ASTN2: variants seen among roughly 807,000 people sequenced by gnomAD.
ASTN2 encodes the protein astrotactin-2.
In ASTN2, 54 loss-of-function variants were observed where a neutral mutation model predicts 139.8. The observed-to-expected ratio is 0.39, with a 90% confidence interval of 0.31 to 0.48. The LOEUF (loss-of-function observed/expected upper bound fraction) is 0.48, where lower values mean the gene tolerates loss of function less well. Among genes scored for constraint, ASTN2 ranks in the 20% least tolerant of loss-of-function variants. ASTN2 has a pLI of 0.95. For synonymous variants in ASTN2, 756 were observed against 719.5 expected (o/e 1.05, Z -0.81); for missense variants, 1,565 against 1,725.1 (o/e 0.91, Z 1.64).
At chr9:117,211,196 G>T (rs1457846650) in intron 3 of ASTN2, among the ~76,000 whole-genome samples, 1 of 152,022 alleles carries the variant, frequency 6.6e-6, no homozygotes, top group Non-Finnish European at 1.5e-5. Context: ...GCAACAGAAA[G>T]AAATGACAAA....
chr9:116,663,068 C>T (rs927694445), intron 16 of ASTN2, among the ~76,000 whole-genome samples: 3 of 152,176 alleles, frequency 2.0e-5, no homozygotes, highest in Non-Finnish European at 2.9e-5. Context: ...TCCTCAAGAA[C>T]GGATTCCAAG....
At chr9:117,381,029 A>G (rs2130928216) in intron 1 of ASTN2, among the ~76,000 whole-genome samples, 2 of 152,376 alleles carry the variant, frequency 1.3e-5, no homozygotes, top group South Asian at 4.1e-4. Context: ...ATGCATGGAT[A>G]AATAAAATGT....
rs117236501 is a variant in ASTN2 at position 116,858,984 on chromosome 9, C to T, written c.2040+4599G>A. 4.0e-3 allele frequency among the ~76,000 whole-genome samples: 614 copies of T among 152,224 alleles called. 2 individuals are homozygous for T. Among genetic ancestry groups the T allele is most frequent in the Middle Eastern group, 0.021 (6 of 292 alleles). On this transcript the variant is annotated intron_variant, in intron 11 of 22. Coordinates refer to ENST00000313400, the MANE Select transcript of ASTN2 (RefSeq NM_001365068.1). ...CAATGGGCTAAAATTTAGGTGTTGG[C>T]AGGGTTGCATTCCTTTCTGGAGGTT...
At chr9:117,014,021 T>C (rs1837606968) in intron 6 of ASTN2, among the ~76,000 whole-genome samples, 1 of 152,180 alleles carries the variant, frequency 6.6e-6, no homozygotes, top group Non-Finnish European at 1.5e-5. Flanking sequence ...TCAAAAGTTT[T>C]CATTTTTATT....
Position 117,131,965 on chromosome 9 carries a change from TA to T in ASTN2, c.1168+9360del, listed in dbSNP as rs200178660. On this transcript the variant is annotated intron_variant, in intron 4 of 22. Transcript: ENST00000313400. Reference sequence around the variant, plus strand: ...AATATTTTATGGATTTTGGCTTTTTTAAAACATGATTTTATATGGTCAAATG... The same window carrying T: ...AATATTTTATGGATTTTGGCTTTTTTAAACATGATTTTATATGGTCAAATG... 8.7e-3 allele frequency among the ~76,000 whole-genome samples: 1,322 copies of T among 152,320 alleles called. 14 individuals are homozygous for T. Among genetic ancestry groups the T allele is most frequent in the South Asian group, 0.017 (84 of 4,824 alleles).
chr9:116,462,788 ATGTGTGTGTGTG>A (rs55926547), intron 20 of ASTN2, among the ~76,000 whole-genome samples: 5,504 of 146,054 alleles, frequency 0.038, 318 homozygotes, highest in African/African-American at 0.12. Context: ...TTGGGTGAGC[ATGTGTGTGTGTG>A]TGTGTGTGTG....
At position 117,224,772 on chromosome 9, in the gene ASTN2, C is replaced by A. The variant is rs540812379; in HGVS notation, c.631-10030G>T. 1.4e-4 allele frequency among the ~76,000 whole-genome samples: 22 copies of A among 152,234 alleles called. No homozygotes were observed. The South Asian group carries it at 1.5e-3, about 10-fold the overall frequency. The stretch of plus-strand genomic sequence containing the variant: ...CTCATGCTCCCTCTATCTGAAATAC[C>A]CTTCCCTCACTTCTTTGTCGAGTCC... On this transcript the variant is annotated intron_variant, in intron 2 of 22. Transcript: ENST00000313400.
At chr9:117,271,734 C>T (rs992659046) in intron 2 of ASTN2, among the ~76,000 whole-genome samples, 1 of 152,172 alleles carries the variant, frequency 6.6e-6, no homozygotes, top group Non-Finnish European at 1.5e-5. Flanking sequence ...TCCAGCAGGG[C>T]AGTCAAATTT....
At position 117,038,723 on chromosome 9, in the gene ASTN2, C is replaced by T. The variant is rs1838466009; in HGVS notation, c.1423+1096G>A. Among the ~76,000 whole-genome samples, 3 of 152,240 alleles carry T rather than the reference C, an allele frequency of 2.0e-5. 1 individual carries two copies. The South Asian group carries it at 6.2e-4, about 32-fold the overall frequency. Reference sequence around the variant, plus strand: ...ATAATTATGCCAAACTTCAATACAGCTAAAGACGGTGATGGCATGTGAGAA... The same window carrying T: ...ATAATTATGCCAAACTTCAATACAGTTAAAGACGGTGATGGCATGTGAGAA... On this transcript the variant is annotated intron_variant, in intron 6 of 22. Coordinates refer to ENST00000313400, the MANE Select transcript of ASTN2 (RefSeq NM_001365068.1).
chr9:116,987,800 C>T (rs1358125169), intron 7 of ASTN2, among the ~76,000 whole-genome samples: 3 of 152,154 alleles, frequency 2.0e-5, no homozygotes, highest in Non-Finnish European at 4.4e-5. Context: ...TACTCTTGCA[C>T]TTGGGGCCAT....
intron 12 of ASTN2, among the ~76,000 whole-genome samples, chr9:116,809,662 A>G (rs926401644): frequency 6.6e-6 from 1 of 152,210 alleles, no homozygotes; most frequent in African/African-American, 2.4e-5. Flanking sequence ...TGAATTTGTA[A>G]ACTAAATTGG....
intron 3 of ASTN2, among the ~76,000 whole-genome samples, chr9:117,196,168 T>G (rs1015002641): frequency 6.6e-6 from 1 of 152,136 alleles, no homozygotes; most frequent in Admixed American, 6.5e-5. Flanking sequence ...TGTGTTACCT[T>G]GAGCAAGTTA....
At chr9:117,037,877 G>T (rs1172763365) in intron 6 of ASTN2, among the ~76,000 whole-genome samples, 1 of 152,054 alleles carries the variant, frequency 6.6e-6, no homozygotes, top group African/African-American at 2.4e-5. Flanking sequence ...ATTTGCTTCT[G>T]TAAATTTTGT....
At chr9:117,234,473 C>T (rs901027340) in intron 2 of ASTN2, among the ~76,000 whole-genome samples, 4 of 152,208 alleles carry the variant, frequency 2.6e-5, no homozygotes, top group African/African-American at 9.6e-5. Context: ...GGCAAACACA[C>T]TCATCTTTCT....
At chr9:116,695,556 T>C (rs1240452618) in intron 16 of ASTN2, among the ~76,000 whole-genome samples, 1 of 152,250 alleles carries the variant, frequency 6.6e-6, no homozygotes, top group East Asian at 1.9e-4. Context: ...CAAAGTGTTC[T>C]TGAGCTAAAT....
chr9:117,033,392 C>G (rs1299581217), intron 6 of ASTN2, among the ~76,000 whole-genome samples: 2 of 152,176 alleles, frequency 1.3e-5, no homozygotes, highest in East Asian at 3.9e-4. Flanking sequence ...ATTACTAGGT[C>G]TTAGGTATTG....
At chr9:117,292,167 C>T (rs900916527) in intron 1 of ASTN2, among the ~76,000 whole-genome samples, 4 of 152,300 alleles carry the variant, frequency 2.6e-5, no homozygotes, top group East Asian at 1.9e-4. Context: ...AAAGCTACTG[C>T]CCCATCCCAA....
chr9:116,670,293 CATGATGATGAT>C (rs1859114679), intron 16 of ASTN2, among the ~76,000 whole-genome samples: 1 of 152,058 alleles, frequency 6.6e-6, no homozygotes, highest in Non-Finnish European at 1.5e-5. Flanking sequence ...TAGTAATCAC[CATGATGATGAT>C]ATGATGATGA....
intron 19 of ASTN2, among the ~76,000 whole-genome samples, chr9:116,607,955 C>G (rs866540613): frequency 1.3e-5 from 2 of 152,012 alleles, no homozygotes; most frequent in South Asian, 4.1e-4. Context: ...AGCGAGACTC[C>G]GTCTCAAACA....
Sources: allele counts gnomAD v4.1 joint callset (sites outside exome capture counted in the v4.1 genomes callset), GRCh38; gene constraint gnomAD v4.1.1; transcripts MANE v1.5; gene names NCBI Gene and HGNC (gene_info 2026-07-23, HGNC 2026-07-21).